Variants in TUBB6 observed in about 807,000 individuals in gnomAD.
TUBB6 encodes the protein tubulin beta-6 chain.
A neutral mutation model predicts 32.3 loss-of-function variants in TUBB6; 18 were observed. The observed-to-expected ratio is 0.56, with a 90% confidence interval of 0.39 to 0.83. The LOEUF (loss-of-function observed/expected upper bound fraction) is 0.83, where lower values mean the gene tolerates loss of function less well. Among genes scored for constraint, TUBB6 ranks in the 40% least tolerant of loss-of-function variants. The pLI is 0.00. For missense variants in TUBB6, 480 were observed against 632.0 expected (o/e 0.76, Z 2.58); for synonymous variants, 280 against 265.8 (o/e 1.05, Z -0.52).
chr18:12,308,100 C>T (rs1464191451), upstream of TUBB6: 1 of 172,396 alleles, frequency 5.8e-6, no homozygotes, highest in African/African-American at 2.4e-5. Flanking sequence ...GACTGGCGCC[C>T]GCGCGTCCTC....
intron 3 of TUBB6, among the ~76,000 whole-genome samples, chr18:12,316,001 G>A (rs1316420494): frequency 2.6e-5 from 4 of 152,356 alleles, no homozygotes; most frequent in Non-Finnish European, 5.9e-5. Flanking sequence ...CAGCTTTCAT[G>A]GAGAAGGTTT....
rs540629684 is a variant in TUBB6, at chr18:12,309,961, C to T, written c.167-982C>T. Among the ~76,000 whole-genome samples the T allele has an allele frequency of 2.7e-5, 3 of 111,824 alleles. No homozygotes were observed. The South Asian group carries it at 1.1e-3, about 41-fold the overall frequency. The allele number at this position is 111,824 out of a possible 152,430, so 73.4% of individuals were successfully genotyped here. On this transcript the variant is annotated intron_variant, in intron 2 of 3. Transcript: ENST00000317702. ...GGTGTCACAAAGCAGAGAATTTCATCCAAACCTGGCAATTTGCTGTAAATA... is the reference window on the plus strand; with the variant it reads ...GGTGTCACAAAGCAGAGAATTTCATTCAAACCTGGCAATTTGCTGTAAATA...
intron 3 of TUBB6, among the ~76,000 whole-genome samples, chr18:12,314,494 T>C (rs542302448): frequency 1.7e-4 from 26 of 152,140 alleles, no homozygotes; most frequent in African/African-American, 6.3e-4. Flanking sequence ...AAATCACACC[T>C]CTTCTTTGAT....
intron 3 of TUBB6, chr18:12,324,835 A>T (rs1479894438): frequency 7.5e-7 from 1 of 1,338,168 alleles, no homozygotes; most frequent in Non-Finnish European, 9.5e-7. Context: ...TGGAACAACC[A>T]GGTCAAAATG....
chr18:12,326,342 C>A lies in TUBB6; in HGVS notation c.*212C>A, dbSNP rs1318214387. On this transcript the variant is annotated 3_prime_UTR_variant, in exon 4 of 4. Coordinates refer to ENST00000317702, the MANE Select transcript of TUBB6 (RefSeq NM_032525.3). ...GGTTCTACCCAGTCAGAAGATCACA[C>A]CATGGAGACTTTCTACTAGAGGACT... The A allele has an allele frequency of 7.4e-6, 5 of 675,790 alleles. No homozygotes were observed. Among genetic ancestry groups the A allele is most frequent in the Non-Finnish European group, 1.2e-5 (5 of 424,214 alleles). 41.9% of individuals were successfully genotyped at this position (675,790 alleles called of 1,614,324 possible). A position where few individuals can be genotyped will look rare whatever the true frequency, so the allele number is the denominator to read the frequency against.
Position 12,308,279 on chromosome 18 carries a change from G to T in TUBB6, c.-14G>T. 1 of 1,441,950 alleles carries T rather than the reference G, an allele frequency of 6.9e-7. No homozygotes were observed. The allele number at this position is 1,441,950 out of a possible 1,614,324, so 89.3% of individuals were successfully genotyped here. ...GTCCGCAGAGCCAGTTCCTAGCGCA[G>T]AGCCGCGCCCGCCATGAGGGAGATC... On this transcript the variant is annotated 5_prime_UTR_variant, in exon 1 of 4. Transcript: ENST00000317702.
Position 12,326,283 on chromosome 18 carries a change from C to A in TUBB6, c.*153C>A. The A allele has an allele frequency of 8.4e-7, 1 of 1,190,868 alleles. No homozygotes were observed. Among genetic ancestry groups the A allele is most frequent in the Non-Finnish European group, 1.1e-6 (1 of 877,428 alleles). The allele number at this position is 1,190,868 out of a possible 1,614,324, so 73.8% of individuals were successfully genotyped here. On this transcript the variant is annotated 3_prime_UTR_variant, in exon 4 of 4. Transcript: ENST00000317702. Reference sequence around the variant, plus strand: ...GCAGCCAAGTCATGTAATTAGTCATCTGGAACAAAGACTAAAAACAGCAGA... The same window carrying A: ...GCAGCCAAGTCATGTAATTAGTCATATGGAACAAAGACTAAAAACAGCAGA...
chr18:12,320,021 C>G (rs1309065662), intron 3 of TUBB6, among the ~76,000 whole-genome samples: 2 of 152,012 alleles, frequency 1.3e-5, no homozygotes, highest in South Asian at 2.1e-4. Context: ...ATCTCCTGAC[C>G]TCGTGATCCA....
chr18:12,319,665 AAAG>A (rs1166820188), intron 3 of TUBB6, among the ~76,000 whole-genome samples: 1 of 152,166 alleles, frequency 6.6e-6, no homozygotes, highest in Admixed American at 6.5e-5. Context: ...ATTTTTCATT[AAAG>A]AAGAGCTGGG....
chr18:12,329,718 G>A, downstream of TUBB6: 5 of 1,614,142 alleles, frequency 3.1e-6, no homozygotes, highest in Non-Finnish European at 4.2e-6. Context: ...CAAATGGTCT[G>A]GGGCCCAAAA....
chr18:12,323,665 A>G (rs1004283570), intron 3 of TUBB6, among the ~76,000 whole-genome samples: 4 of 152,034 alleles, frequency 2.6e-5, no homozygotes, highest in African/African-American at 9.7e-5. Flanking sequence ...AAAATTAGCC[A>G]GGCGTGGTGG....
intron 2 of TUBB6, 83 bp downstream of exon 2, chr18:12,308,878 T>C: frequency 1.0e-6 from 1 of 959,618 alleles, no homozygotes; most frequent in East Asian, 2.5e-5. Flanking sequence ...GCGAGTTTGC[T>C]TCGGGAAAAG....
intron 3 of TUBB6, among the ~76,000 whole-genome samples, chr18:12,319,037 A>G (rs958673834): frequency 1.3e-5 from 2 of 152,178 alleles, no homozygotes; most frequent in African/African-American, 4.8e-5. Flanking sequence ...GAAAGCTGTC[A>G]TCCCTTCTAC....
chr18:12,308,704 C>T lies in TUBB6; in HGVS notation c.75C>T (p.Ser25=). Reference sequence around the variant, plus strand: ...TGCCCAAGTTTTGGGAAGTGATCAGCGATGAGCACGGCATCGACCCGGCCG... The same window carrying T: ...TGCCCAAGTTTTGGGAAGTGATCAGTGATGAGCACGGCATCGACCCGGCCG... The part of the protein sequence containing the change: ...QIGTKFWEVI[S]DEHGIDPAGG... The change falls in exon 2 of 4, where the codon AGC becomes AGT. Residue 25 remains serine, a synonymous_variant. Coordinates refer to ENST00000317702, the MANE Select transcript of TUBB6 (RefSeq NM_032525.3). 6.2e-7 allele frequency: 1 copy of T among 1,611,996 alleles called. No individual in the cohort carries two copies. The highest frequency in any genetic ancestry group is 8.5e-7 in the Non-Finnish European group (1 of 1,178,352).
intron 3 of TUBB6, among the ~76,000 whole-genome samples, chr18:12,322,805 T>C (rs1907057893): frequency 6.6e-6 from 1 of 152,168 alleles, no homozygotes; most frequent in African/African-American, 2.4e-5. Flanking sequence ...AAAAAATAGA[T>C]ATAGATAGGT....
At chr18:12,311,377 C>T (rs554489562) in intron 3 of TUBB6, among the ~76,000 whole-genome samples, 2 of 152,300 alleles carry the variant, frequency 1.3e-5, no homozygotes, top group South Asian at 4.2e-4. Flanking sequence ...ACGAGCGGAT[C>T]ACGAGGTCAG....
rs142456924 is a variant in TUBB6 at position 12,316,941 on chromosome 18, C to G, written c.277+5888C>G. Among the ~76,000 whole-genome samples the G allele has an allele frequency of 1.6e-3, 245 of 152,132 alleles. 2 individuals carry two copies. The highest frequency in any genetic ancestry group is 8.5e-3 in the South Asian group (41 of 4,820). Reference sequence around the variant, plus strand: ...TGGGAGGCGCAGACAGGCAGATCATCTGAGGTCAGGAGTTCGAGACCAGCC... The same window carrying G: ...TGGGAGGCGCAGACAGGCAGATCATGTGAGGTCAGGAGTTCGAGACCAGCC... On this transcript the variant is annotated intron_variant, in intron 3 of 3. Transcript: ENST00000317702.
chr18:12,309,674 A>C (rs974325728), intron 2 of TUBB6, among the ~76,000 whole-genome samples: 30 of 152,166 alleles, frequency 2.0e-4, no homozygotes, highest in Admixed American at 1.9e-3. Flanking sequence ...ACTTCATGTT[A>C]ATCCCTCACC....
chr18:12,325,699 G>A lies in TUBB6; in HGVS notation c.910G>A (p.Asp304Asn). The A allele has an allele frequency of 6.2e-7, 1 of 1,614,120 alleles. No individual in the cohort carries two copies. Residue 304 changes from aspartate to asparagine, a missense_variant, in exon 4 of 4, where the codon GAT becomes AAT. Transcript: ENST00000317702. ...FDARNMMAAC[D>N]PRHGRYLTVA... is the part of the protein sequence containing the mutation. ...CGCCAGGAACATGATGGCCGCCTGC[G>A]ATCCGCGCCATGGCCGCTACCTGAC...
Sources: allele counts gnomAD v4.1 joint callset (sites outside exome capture counted in the v4.1 genomes callset), GRCh38; gene constraint gnomAD v4.1.1; transcripts MANE v1.5; gene names NCBI Gene and HGNC (gene_info 2026-07-23, HGNC 2026-07-21).